The following CFAP97D2 variants were observed in gnomAD, a reference collection of about 807,000 sequenced individuals.
The protein encoded by CFAP97D2 is uncharacterized protein CFAP97D2.
intron 3 of CFAP97D2, among the ~76,000 whole-genome samples, chr13:114,200,690 C>T (rs1443190340): frequency 6.6e-6 from 1 of 152,234 alleles, no homozygotes; most frequent in Non-Finnish European, 1.5e-5. Context: ...GTGAGCTGCC[C>T]GTGTGCCAGA....
chr13:114,210,936 G>GCTA (rs1342319280), intron 3 of CFAP97D2, among the ~76,000 whole-genome samples: 1 of 151,926 alleles, frequency 6.6e-6, no homozygotes, highest in Non-Finnish European at 1.5e-5. Flanking sequence ...CACATGGTGT[G>GCTA]CTATGGTTTT....
At position 114,195,227 on chromosome 13, in the gene CFAP97D2, G is replaced by A. The variant is rs118182147; in HGVS notation, c.91-1169G>A. 6.6e-5 allele frequency among the ~76,000 whole-genome samples: 10 copies of A among 152,350 alleles called. No individual in the cohort carries two copies. The East Asian group carries it at 1.9e-3, about 29-fold the overall frequency. ...TCTTCGTTCACACGTAGTGACAGAGGAGCCTGTAAAAAGTGACCATGTGAC... is the reference window on the plus strand; with the variant it reads ...TCTTCGTTCACACGTAGTGACAGAGAAGCCTGTAAAAAGTGACCATGTGAC... On this transcript the variant is annotated intron_variant, in intron 1 of 4. Coordinates refer to ENST00000646158, the Ensembl canonical transcript of CFAP97D2.
In CFAP97D2 at chr13:114,189,791, C is replaced by G. The variant is rs921821497; in HGVS notation, c.91-6605C>G. Among the ~76,000 whole-genome samples, 1 of 151,932 alleles carries G rather than the reference C, an allele frequency of 6.6e-6. No homozygotes were observed. Among genetic ancestry groups the G allele is most frequent in the African/African-American group, 2.4e-5 (1 of 41,340 alleles). Reference sequence around the variant, plus strand: ...ACATTCATTCATGATTTTTAAAATCCCAATAAACCAAGAATAAAGGAAACT... The same window carrying G: ...ACATTCATTCATGATTTTTAAAATCGCAATAAACCAAGAATAAAGGAAACT... On this transcript the variant is annotated intron_variant, in intron 1 of 4. Coordinates refer to ENST00000646158, the Ensembl canonical transcript of CFAP97D2. This position sits in a 1 kb window ranked among gnomAD's most constrained non-coding sequence, Gnocchi z 4.5.
rs1248554957 is a variant in CFAP97D2, at chr13:114,187,229, C to T, written c.90+7809C>T. ...AGAGAAAATGGAATCATATAAAATGCTCAATTAAAACCACAAAAGGCAGAA... is the reference window on the plus strand; with the variant it reads ...AGAGAAAATGGAATCATATAAAATGTTCAATTAAAACCACAAAAGGCAGAA... On this transcript the variant is annotated intron_variant, in intron 1 of 4. Coordinates refer to ENST00000646158, the Ensembl canonical transcript of CFAP97D2. This position sits in a 1 kb window ranked among gnomAD's most constrained non-coding sequence, Gnocchi z 4.2. Among the ~76,000 whole-genome samples, 3 of 151,708 alleles carry T rather than the reference C, an allele frequency of 2.0e-5. No homozygotes were observed. The highest frequency in any genetic ancestry group is 1.5e-5 in the Non-Finnish European group (1 of 67,936).
At chr13:114,215,055 A>T (rs2080987582) in intron 4 of CFAP97D2, among the ~76,000 whole-genome samples, 1 of 152,236 alleles carries the variant, frequency 6.6e-6, no homozygotes, top group Non-Finnish European at 1.5e-5. Flanking sequence ...CCTAGAAGGA[A>T]AATGGTTAAA....
intron 1 of CFAP97D2, among the ~76,000 whole-genome samples, chr13:114,195,024 C>T (rs2080880802): frequency 6.6e-6 from 1 of 152,202 alleles, no homozygotes; most frequent in African/African-American, 2.4e-5. Context: ...AGAGGGCATT[C>T]TTCATGCCTT....
At chr13:114,181,659 C>A (rs1218656478) in intron 1 of CFAP97D2, among the ~76,000 whole-genome samples, 1 of 152,128 alleles carries the variant, frequency 6.6e-6, no homozygotes, top group Admixed American at 6.5e-5. Context: ...AGAATCAGCT[C>A]TTTGAATAAC....
chr13:114,200,531 G>A (rs1170506039), intron 3 of CFAP97D2, 88 bp downstream of exon 3: 2 of 396,432 alleles, frequency 5.0e-6, no homozygotes, highest in Non-Finnish European at 8.9e-6. Context: ...AGAGCTGCCC[G>A]TGGGTGGGAG....
At chr13:114,194,145 C>G (rs892572621) in intron 1 of CFAP97D2, among the ~76,000 whole-genome samples, 3 of 152,150 alleles carry the variant, frequency 2.0e-5, no homozygotes, top group Non-Finnish European at 4.4e-5. Context: ...CAAACAAATA[C>G]AGATTGAATG....
chr13:114,220,695 A>G (rs1364091166), intron 4 of CFAP97D2, among the ~76,000 whole-genome samples: 1 of 152,252 alleles, frequency 6.6e-6, no homozygotes, highest in East Asian at 1.9e-4. Context: ...CACATGAGAA[A>G]GAAGCAAAAA....
chr13:114,221,713 TAA>T (rs879790631), intron 4 of CFAP97D2, among the ~76,000 whole-genome samples: 1 of 113,652 alleles, frequency 8.8e-6, no homozygotes, highest in African/African-American at 3.5e-5. Context: ...TAAAGTGTAA[TAA>T]AAAAAAAAGG....
At position 114,194,668 on chromosome 13, in the gene CFAP97D2, C is replaced by T. The variant is rs968694437; in HGVS notation, c.91-1728C>T. Among the ~76,000 whole-genome samples the T allele has an allele frequency of 9.2e-5, 14 of 152,138 alleles. 1 individual carries two copies. Among genetic ancestry groups the T allele is most frequent in the Admixed American group, 7.8e-4 (12 of 15,288 alleles). ...TGATGGTTACAAAATGGTGATTTTT[C>T]GACCACACCACTGCTTCTACGTTTA... On this transcript the variant is annotated intron_variant, in intron 1 of 4. Transcript: ENST00000646158.
At chr13:114,196,304 C>T in intron 1 of CFAP97D2, 92 bp from the exon 2 acceptor site, 1 of 398,516 alleles carries the variant, frequency 2.5e-6, no homozygotes, top group Non-Finnish European at 4.4e-6. Flanking sequence ...ACATGGAATC[C>T]CTGGTGCCAC....
At chr13:114,206,474 T>C (rs897608497) in intron 3 of CFAP97D2, among the ~76,000 whole-genome samples, 1 of 152,144 alleles carries the variant, frequency 6.6e-6, no homozygotes. Context: ...ACCCTAACCA[T>C]ATAATGGAAT....
At chr13:114,200,544 G>A (rs549902881) in intron 3 of CFAP97D2, 101 bp downstream of exon 3, 2 of 395,160 alleles carry the variant, frequency 5.1e-6, no homozygotes, top group Non-Finnish European at 8.9e-6. Flanking sequence ...GGTGGGAGTC[G>A]AGGCGTTTCT....
At chr13:114,204,130 C>T (rs1294107387) in intron 3 of CFAP97D2, among the ~76,000 whole-genome samples, 3 of 152,146 alleles carry the variant, frequency 2.0e-5, no homozygotes, top group Non-Finnish European at 4.4e-5. Context: ...TAGGAAAATA[C>T]ATTTCGAGGA....
intron 1 of CFAP97D2, among the ~76,000 whole-genome samples, chr13:114,192,866 T>C (rs1446248018): frequency 6.6e-6 from 1 of 152,142 alleles, no homozygotes; most frequent in Non-Finnish European, 1.5e-5. Context: ...AATTATACAA[T>C]TGGTTCCATA....
intron 3 of CFAP97D2, among the ~76,000 whole-genome samples, chr13:114,202,924 G>C (rs1335137334): frequency 6.6e-6 from 1 of 152,106 alleles, no homozygotes; most frequent in African/African-American, 2.4e-5. Flanking sequence ...CAGAGCCTGG[G>C]GTGTCACTCA....
At chr13:114,199,269 T>G (rs79630135) in intron 2 of CFAP97D2, among the ~76,000 whole-genome samples, 12 of 4,008 alleles carry the variant, frequency 3.0e-3, no homozygotes, top group East Asian at 0.042. Flanking sequence ...GTGACGGCGC[T>G]TCCCCGTGGG....
Sources: gnomAD v4.1 joint callset for allele counts (sites outside exome capture counted in the v4.1 genomes callset) on GRCh38, gnomAD v4.1.1 for gene constraint, Gnocchi (gnomAD v3.1) non-coding constraint, MANE v1.5 for transcripts, NCBI Gene and HGNC (gene_info 2026-07-23, HGNC 2026-07-21) for gene names.